WDR41: variants seen among roughly 807,000 people sequenced by gnomAD.
WDR41 encodes WD repeat domain 41.
WDR41 carries 63 observed loss-of-function variants against 69.3 expected under a neutral mutation model. The ratio of observed to expected loss-of-function variants is 0.91; its 90% CI spans 0.74 to 1.12. WDR41 has a LOEUF of 1.12. WDR41 is among the 50% of genes most tolerant of loss of function. The pLI is 0.00. For missense variants in WDR41, 543 were observed against 534.5 expected, an observed-to-expected ratio of 1.02 and a Z score of -0.16; for synonymous variants, 185 against 192.1, an observed-to-expected ratio of 0.96 and a Z score of 0.31.
chr5:77,483,077 A>G (rs1801353274), intron 2 of WDR41, among the ~76,000 whole-genome samples: 1 of 152,088 alleles, frequency 6.6e-6, no homozygotes, highest in African/African-American at 2.4e-5. Flanking sequence ...CTCAAAGTCC[A>G]TTTCCTTTGT....
At chr5:77,574,416 C>T (rs1199209914) in intron 1 of WDR41, among the ~76,000 whole-genome samples, 1 of 152,142 alleles carries the variant, frequency 6.6e-6, no homozygotes, top group African/African-American at 2.4e-5. Flanking sequence ...GGAGACATAT[C>T]AGGTGTGCAG....
At chr5:77,442,294 T>C (rs1464541853) in intron 8 of WDR41, among the ~76,000 whole-genome samples, 3 of 152,152 alleles carry the variant, frequency 2.0e-5, no homozygotes, top group Non-Finnish European at 4.4e-5. Flanking sequence ...GAATTGAGAA[T>C]TGAATAAGAC....
At chr5:77,479,019 T>C (rs1405144925) in intron 2 of WDR41, among the ~76,000 whole-genome samples, 1 of 151,908 alleles carries the variant, frequency 6.6e-6, no homozygotes, top group Admixed American at 6.6e-5. Flanking sequence ...ACAAGCATTC[T>C]TATACACCAA....
intron 2 of WDR41, among the ~76,000 whole-genome samples, chr5:77,477,285 G>T (rs1168525672): frequency 4.0e-5 from 6 of 150,730 alleles, no homozygotes; most frequent in Admixed American, 6.6e-5. Context: ...AGCCAACAAG[G>T]ATACCCAGGA....
At chr5:77,605,887 G>A (rs1041259171) in intron 1 of WDR41, among the ~76,000 whole-genome samples, 1 of 152,024 alleles carries the variant, frequency 6.6e-6, no homozygotes, top group Admixed American at 6.6e-5. Flanking sequence ...TATCATGGAA[G>A]GATATAGGTA....
intron 1 of WDR41, among the ~76,000 whole-genome samples, chr5:77,512,834 A>G (rs1490689240): frequency 6.6e-6 from 1 of 152,004 alleles, no homozygotes; most frequent in African/African-American, 2.4e-5. Context: ...ACTGAAATCA[A>G]ATTAATATAT....
chr5:77,568,504 C>T (rs1354249739), intron 1 of WDR41, among the ~76,000 whole-genome samples: 1 of 152,138 alleles, frequency 6.6e-6, no homozygotes, highest in African/African-American at 2.4e-5. Context: ...TTCTTCTGCT[C>T]TATATACTTT....
intron 7 of WDR41, 102 bp downstream of exon 7, chr5:77,451,189 G>T: frequency 9.7e-7 from 1 of 1,030,994 alleles, no homozygotes; most frequent in Non-Finnish European, 1.5e-6. Context: ...CCAAGAGTGG[G>T]GCACACGCAA....
At chr5:77,589,600 A>G (rs1033298148) in intron 1 of WDR41, among the ~76,000 whole-genome samples, 3 of 152,098 alleles carry the variant, frequency 2.0e-5, no homozygotes, top group African/African-American at 7.2e-5. Context: ...ATTTCTTAGG[A>G]TATATTCCTA....
intron 1 of WDR41, among the ~76,000 whole-genome samples, chr5:77,537,973 G>A (rs560477029): frequency 4.6e-5 from 7 of 152,250 alleles, no homozygotes; most frequent in Non-Finnish European, 5.9e-5. Context: ...TGGGGTACAA[G>A]TGCAGTTTTT....
intron 1 of WDR41, among the ~76,000 whole-genome samples, chr5:77,491,476 A>G (rs1183982394): frequency 6.6e-6 from 1 of 152,182 alleles, no homozygotes; most frequent in Non-Finnish European, 1.5e-5. Flanking sequence ...ATACGAAATA[A>G]ATTTGGGACC....
chr5:77,578,864 C>CAAAAAAAAAAAAAAA (rs55920763), intron 1 of WDR41, among the ~76,000 whole-genome samples: 1 of 77,202 alleles, frequency 1.3e-5, no homozygotes, highest in Non-Finnish European at 2.6e-5. Context: ...AACTCCATCT[C>CAAAAAAAAAAAAAAA]AAAAAAAAAA....
intron 1 of WDR41, among the ~76,000 whole-genome samples, chr5:77,516,380 T>C (rs1802292119): frequency 6.6e-6 from 1 of 152,298 alleles, no homozygotes; most frequent in South Asian, 2.1e-4. Context: ...TATATAAAAA[T>C]TAATTTTAAA....
intron 1 of WDR41, among the ~76,000 whole-genome samples, chr5:77,572,223 C>G (rs1258194921): frequency 6.6e-6 from 1 of 152,190 alleles, no homozygotes; most frequent in Middle Eastern, 3.2e-3. Flanking sequence ...GTATGATACA[C>G]TACTTTTTCA....
chr5:77,543,910 C>T (rs1397636111), intron 1 of WDR41, among the ~76,000 whole-genome samples: 1 of 152,026 alleles, frequency 6.6e-6, no homozygotes. Flanking sequence ...GAGACAAAAG[C>T]ACCAGGTAAC....
At chr5:77,616,166 T>C (rs1262240087) in intron 1 of WDR41, among the ~76,000 whole-genome samples, 1 of 151,792 alleles carries the variant, frequency 6.6e-6, no homozygotes, top group African/African-American at 2.4e-5. Context: ...ATAGAAGGTA[T>C]ATGTATATAT....
chr5:77,439,526 C>G (rs540194951), intron 9 of WDR41, among the ~76,000 whole-genome samples: 1 of 152,316 alleles, frequency 6.6e-6, no homozygotes, highest in East Asian at 1.9e-4. Flanking sequence ...GAAACTCATT[C>G]TATAGACCAG....
intron 1 of WDR41, among the ~76,000 whole-genome samples, chr5:77,550,925 C>A (rs1726118417): frequency 6.6e-6 from 1 of 152,140 alleles, no homozygotes; most frequent in African/African-American, 2.4e-5. Flanking sequence ...AAAGTCATGT[C>A]CTTACCTAAG....
chr5:77,547,086 A>C (rs978666749), intron 1 of WDR41, among the ~76,000 whole-genome samples: 3 of 152,118 alleles, frequency 2.0e-5, no homozygotes, highest in African/African-American at 7.3e-5. Flanking sequence ...TTATGATTAA[A>C]ACTCTCAGCA....
Sources: gnomAD v4.1 joint callset for allele counts (sites outside exome capture counted in the v4.1 genomes callset) on GRCh38, gnomAD v4.1.1 for gene constraint, MANE v1.5 for transcripts, NCBI Gene and HGNC (gene_info 2026-07-23, HGNC 2026-07-21) for gene names.